Variants in PTPRZ1 observed in about 807,000 individuals in gnomAD.
PTPRZ1 encodes the protein protein tyrosine phosphatase receptor type Z1.
PTPRZ1 carries 82 observed loss-of-function variants against 214.1 expected under a neutral mutation model. The observed-to-expected ratio is 0.38, with a 90% CI of 0.32 to 0.46. The LOEUF is 0.46. PTPRZ1 is among the 20% of genes least tolerant of loss of function. The pLI is 1.00. For missense variants in PTPRZ1, 2,603 were observed against 2,748.7 expected (o/e 0.95, Z 1.19); for synonymous variants, 945 against 987.9 (o/e 0.96, Z 0.81).
chr7:121,994,139 GCTA>G (rs1798057904), intron 8 of PTPRZ1, among the ~76,000 whole-genome samples: 1 of 152,078 alleles, frequency 6.6e-6, no homozygotes, highest in African/African-American at 2.4e-5. Flanking sequence ...TCTACTGATT[GCTA>G]CTACTAAGGC....
At chr7:122,014,463 G>T (rs949974203) in intron 12 of PTPRZ1, among the ~76,000 whole-genome samples, 1 of 151,838 alleles carries the variant, frequency 6.6e-6, no homozygotes, top group Non-Finnish European at 1.5e-5. Context: ...TTTTGAGACG[G>T]AGTCTCGCTC....
At chr7:122,035,075 C>T (rs1185937654) in intron 17 of PTPRZ1, among the ~76,000 whole-genome samples, 3 of 152,102 alleles carry the variant, frequency 2.0e-5, no homozygotes, top group African/African-American at 7.2e-5. Flanking sequence ...CCTCCCCACT[C>T]CAAAAACAAA....
chr7:122,024,724 A>G (rs549892773), intron 13 of PTPRZ1, among the ~76,000 whole-genome samples: 1 of 152,008 alleles, frequency 6.6e-6, no homozygotes, highest in Non-Finnish European at 1.5e-5. Context: ...AGATTTGTTT[A>G]TTTGTTTGTG....
At chr7:122,044,164 T>C (rs760055011) in intron 22 of PTPRZ1, among the ~76,000 whole-genome samples, 8 of 152,146 alleles carry the variant, frequency 5.3e-5, no homozygotes, top group Non-Finnish European at 8.8e-5. Flanking sequence ...TTGCCAACTC[T>C]TCCTGCCTCC....
intron 2 of PTPRZ1, among the ~76,000 whole-genome samples, chr7:121,965,548 A>G (rs747615718): frequency 6.6e-6 from 1 of 151,648 alleles, no homozygotes. Flanking sequence ...TCTTTCTCCA[A>G]TTTGCTGAAA....
chr7:121,950,296 A>G (rs1284326949), intron 2 of PTPRZ1, among the ~76,000 whole-genome samples: 1 of 152,212 alleles, frequency 6.6e-6, no homozygotes, highest in Non-Finnish European at 1.5e-5. Context: ...TGGGAATTCA[A>G]GATGAGACTT....
chr7:122,031,880 T>C (rs1411144640), intron 15 of PTPRZ1: 1 of 162,238 alleles, frequency 6.2e-6, no homozygotes, highest in African/African-American at 2.4e-5. Flanking sequence ...ATTTTCTAAA[T>C]TCTATAAATT....
rs572745925 is a variant in PTPRZ1, at chr7:121,930,446, T to C, written c.124+2225T>C. ...GCAAACTCTATTTACTTGAGGAATT[T>C]CTTTTTTCAGAAAACATGAAGTTTA... On this transcript the variant is annotated intron_variant, in intron 2 of 29. Transcript: ENST00000393386. Among the ~76,000 whole-genome samples, 4 of 152,260 alleles carry C rather than the reference T, an allele frequency of 2.6e-5. No homozygotes were observed. The East Asian group carries it at 5.8e-4, about 22-fold the overall frequency.
intron 1 of PTPRZ1, among the ~76,000 whole-genome samples, chr7:121,906,417 AT>A (rs2116287249): frequency 6.6e-6 from 1 of 152,300 alleles, no homozygotes; most frequent in East Asian, 1.9e-4. Flanking sequence ...CTTCTTACTA[AT>A]GTACTAAAGG....
At chr7:122,022,079 G>C (rs984590133) in intron 13 of PTPRZ1, among the ~76,000 whole-genome samples, 3 of 151,904 alleles carry the variant, frequency 2.0e-5, no homozygotes, top group African/African-American at 4.8e-5. Context: ...CTTGAGAAAA[G>C]GTTTAAAAAT....
intron 1 of PTPRZ1, among the ~76,000 whole-genome samples, chr7:121,927,175 A>C (rs1304046034): frequency 6.6e-6 from 1 of 152,258 alleles, no homozygotes; most frequent in Non-Finnish European, 1.5e-5. Context: ...CCAATGTATG[A>C]ATGAATAATG....
At chr7:121,990,798 G>C (rs1797937248) in intron 8 of PTPRZ1, among the ~76,000 whole-genome samples, 1 of 152,100 alleles carries the variant, frequency 6.6e-6, no homozygotes, top group South Asian at 2.1e-4. Context: ...GAGATTACAG[G>C]CGTGAGCCAT....
At chr7:121,927,099 C>T (rs902509017) in intron 1 of PTPRZ1, among the ~76,000 whole-genome samples, 3 of 152,086 alleles carry the variant, frequency 2.0e-5, no homozygotes, top group Non-Finnish European at 4.4e-5. Flanking sequence ...GAGATATTTG[C>T]ATCCAATAGA....
At chr7:121,995,817 T>C (rs10247948) in intron 8 of PTPRZ1, among the ~76,000 whole-genome samples, 3,697 of 152,328 alleles carry the variant, frequency 0.024, 55 homozygotes, top group African/African-American at 0.036. Flanking sequence ...ATGTCTTTCA[T>C]AATTGAAATT....
chr7:121,908,360 T>TGG, intron 1 of PTPRZ1: 11 of 252,892 alleles, frequency 4.3e-5, no homozygotes, highest in South Asian at 1.6e-4. Flanking sequence ...GATCAATCCC[T>TGG]TTGGAAAAGA....
chr7:121,903,124 A>T (rs1795018973), intron 1 of PTPRZ1, among the ~76,000 whole-genome samples: 1 of 152,206 alleles, frequency 6.6e-6, no homozygotes, highest in Non-Finnish European at 1.5e-5. Flanking sequence ...TTGCTTGCAT[A>T]GAATACTGCT....
intron 17 of PTPRZ1, among the ~76,000 whole-genome samples, chr7:122,035,112 A>C (rs1030982610): frequency 3.9e-5 from 6 of 152,090 alleles, no homozygotes; most frequent in Non-Finnish European, 5.9e-5. Context: ...CATTCTACTT[A>C]TACCCTTTCT....
chr7:122,054,641 C>T (rs1000394437), intron 26 of PTPRZ1, among the ~76,000 whole-genome samples: 1 of 152,028 alleles, frequency 6.6e-6, no homozygotes, highest in Non-Finnish European at 1.5e-5. Flanking sequence ...AATTTCTGAG[C>T]TCTTAAAATC....
rs1177217221 is a variant in PTPRZ1 at position 122,031,531 on chromosome 7, C to G, written c.5138C>G (p.Ala1713Gly). 1 of 1,609,794 alleles carries G rather than the reference C, an allele frequency of 6.2e-7. No individual in the cohort carries two copies. The highest frequency in any genetic ancestry group is 1.7e-5 in the Admixed American group (1 of 59,908). Reference protein sequence around the residue: ...HFPKHVADLHASSGFTEEFET... With the variant: ...HFPKHVADLHGSSGFTEEFET... ...CCAAAGCATGTTGCAGATTTACATG[C>G]AAGTAGTGGGTTTACTGAAGAATTT... The change falls in exon 15 of 30, where the codon GCA becomes GGA. Residue 1713 changes from alanine (A) to glycine (G), a missense_variant. Coordinates refer to ENST00000393386, the MANE Select transcript of PTPRZ1 (RefSeq NM_002851.3).
Sources: gnomAD v4.1 joint callset for allele counts (sites outside exome capture counted in the v4.1 genomes callset) on GRCh38, gnomAD v4.1.1 for gene constraint, MANE v1.5 for transcripts, NCBI Gene and HGNC (gene_info 2026-07-23, HGNC 2026-07-21) for gene names.